Variants in RIMBP2 observed in about 807,000 individuals in gnomAD.
The protein encoded by RIMBP2 is RIMS-binding protein 2.
In RIMBP2, 48 loss-of-function variants were observed where a neutral mutation model predicts 118.6. That is an observed-to-expected ratio of 0.40 (90% CI 0.32 to 0.51). The LOEUF (loss-of-function observed/expected upper bound fraction) is 0.51, where lower values mean the gene tolerates loss of function less well. Ranked by LOEUF, RIMBP2 falls within the 20% of genes least tolerant of loss-of-function variation. The probability of loss-of-function intolerance (pLI) is 0.41; values close to 1 mark genes in which losing one functional copy is unlikely to be tolerated. For missense variants in RIMBP2, 1,551 were observed against 1,768.3 expected, an observed-to-expected ratio of 0.88 and a Z score of 2.20; for synonymous variants, 762 against 742.9, an observed-to-expected ratio of 1.03 and a Z score of -0.42.
At chr12:130,427,757 G>A (rs1315402873) in intron 15 of RIMBP2, 1 of 154,376 alleles carries the variant, frequency 6.5e-6, no homozygotes, top group Non-Finnish European at 1.4e-5. Context: ...CCACCATAGT[G>A]CCCTCCTTTA....
chr12:130,408,597 A>G (rs535909431), intron 19 of RIMBP2, among the ~76,000 whole-genome samples: 11 of 152,182 alleles, frequency 7.2e-5, no homozygotes, highest in East Asian at 1.9e-4. Flanking sequence ...CTCCACACAG[A>G]TAACAGGTGA....
At chr12:130,532,936 GGGAC>G (rs2053623617) in intron 2 of RIMBP2, among the ~76,000 whole-genome samples, 2 of 149,928 alleles carry the variant, frequency 1.3e-5, no homozygotes, top group South Asian at 2.1e-4. Context: ...GCCTCTAGGA[GGGAC>G]GTCTAATGAG....
At chr12:130,613,851 A>ACAG (rs2060726900) in intron 2 of RIMBP2, among the ~76,000 whole-genome samples, 1 of 150,276 alleles carries the variant, frequency 6.7e-6, no homozygotes, top group African/African-American at 2.4e-5. Context: ...TCATTAAGAG[A>ACAG]CAGCTCTCAT....
chr12:130,624,617 T>C (rs928885915), intron 2 of RIMBP2, among the ~76,000 whole-genome samples: 47 of 152,262 alleles, frequency 3.1e-4, no homozygotes, highest in African/African-American at 1.0e-3. Context: ...TATACATCTC[T>C]GTGAGATGTG....
intron 2 of RIMBP2, among the ~76,000 whole-genome samples, chr12:130,626,905 A>G (rs1162829652): frequency 6.7e-6 from 1 of 149,674 alleles, no homozygotes; most frequent in Non-Finnish European, 1.5e-5. Flanking sequence ...CATCACCACC[A>G]TCTTCTCCAT....
chr12:130,430,751 C>T (rs1423679490), intron 14 of RIMBP2: 1 of 151,714 alleles, frequency 6.6e-6, no homozygotes, highest in Non-Finnish European at 1.5e-5. Context: ...GTGCCTCAGC[C>T]TCCTGAGTAG....
Position 130,677,009 on chromosome 12 carries a change from C to T in RIMBP2, c.-352+39213G>A, listed in dbSNP as rs79796943. The stretch of plus-strand genomic sequence containing the variant: ...CACCTAGAAAGGCACCTGTGTAAAC[C>T]CTACCTCCACAAATGTGAGTTTCAG... On this transcript the variant is annotated intron_variant, in intron 1 of 22. Transcript: ENST00000690449. Among the ~76,000 whole-genome samples the T allele has an allele frequency of 8.3e-3, 1,258 of 152,248 alleles. 15 individuals are homozygous for T. The highest frequency in any genetic ancestry group is 0.029 in the African/African-American group (1,194 of 41,544).
At chr12:130,519,646 C>A (rs2139093198) in intron 2 of RIMBP2, among the ~76,000 whole-genome samples, 1 of 152,304 alleles carries the variant, frequency 6.6e-6, no homozygotes, top group Non-Finnish European at 1.5e-5. Context: ...GTGTACTAAT[C>A]AAAATACCTG....
At chr12:130,590,142 C>G (rs752216642) in intron 2 of RIMBP2, among the ~76,000 whole-genome samples, 1 of 152,182 alleles carries the variant, frequency 6.6e-6, no homozygotes, top group Admixed American at 6.5e-5. Context: ...CCCACACCCA[C>G]GGGGAAAGGC....
chr12:130,514,528 G>A (rs1454667822), intron 3 of RIMBP2, among the ~76,000 whole-genome samples: 1 of 152,086 alleles, frequency 6.6e-6, no homozygotes, highest in Non-Finnish European at 1.5e-5. Context: ...CCCACAGCTG[G>A]CATTGCCTCT....
At chr12:130,689,652 G>A (rs758263871) in intron 1 of RIMBP2, among the ~76,000 whole-genome samples, 24 of 152,092 alleles carry the variant, frequency 1.6e-4, no homozygotes, top group Non-Finnish European at 2.2e-4. Flanking sequence ...GGAGGGGGAC[G>A]GGCCCATCAA....
intron 2 of RIMBP2, among the ~76,000 whole-genome samples, chr12:130,598,233 A>G (rs900766529): frequency 1.3e-5 from 2 of 152,240 alleles, no homozygotes; most frequent in African/African-American, 4.8e-5. Context: ...AAAATTAAAG[A>G]CGACCTAAAT....
intron 2 of RIMBP2, among the ~76,000 whole-genome samples, chr12:130,598,138 C>A (rs557993423): frequency 9.9e-5 from 15 of 152,184 alleles, no homozygotes; most frequent in African/African-American, 3.1e-4. Flanking sequence ...ATTAAAATAG[C>A]CTTAAAAATA....
chr12:130,668,831 G>T (rs1319583495), intron 1 of RIMBP2, among the ~76,000 whole-genome samples: 1 of 152,190 alleles, frequency 6.6e-6, no homozygotes, highest in Non-Finnish European at 1.5e-5. Flanking sequence ...TCCCCAGATG[G>T]ACAGCTCTGG....
chr12:130,709,773 C>T (rs1266095262), intron 1 of RIMBP2, among the ~76,000 whole-genome samples: 1 of 149,296 alleles, frequency 6.7e-6, no homozygotes, highest in Non-Finnish European at 1.5e-5. Context: ...ACATTCCCAT[C>T]GCGGACACAC....
chr12:130,519,262 C>T (rs1440054198), intron 2 of RIMBP2, among the ~76,000 whole-genome samples: 1 of 152,216 alleles, frequency 6.6e-6, no homozygotes, highest in Non-Finnish European at 1.5e-5. Context: ...AGGAGAGAGG[C>T]TCCTCCTGGC....
rs540321839 is a variant in RIMBP2 at position 130,595,858 on chromosome 12, T to C, written c.-217+32464A>G. ...AGGAACTTGAGTTTCTGAAATCAAG[T>C]GTGCAAGGAGCTTAAAGGCGGAAGG... On this transcript the variant is annotated intron_variant, in intron 2 of 22. Transcript: ENST00000690449. 2.0e-5 allele frequency among the ~76,000 whole-genome samples: 3 copies of C among 152,336 alleles called. No homozygotes were observed. The South Asian group carries it at 6.2e-4, about 32-fold the overall frequency.
rs924488818 is a variant in RIMBP2 at position 130,469,511 on chromosome 12, A to G, written c.153+1182T>C. On this transcript the variant is annotated intron_variant, in intron 6 of 22. Transcript: ENST00000690449. The surrounding 1 kb of genome is among the most constrained non-coding windows in gnomAD (Gnocchi z 4.8). ...AGTGAATTATTTTCCAGGGAGATAA[A>G]TGGCCATTTGGAGGTCTGTTTCTAT... Among the ~76,000 whole-genome samples, 1 of 152,276 alleles carries G rather than the reference A, an allele frequency of 6.6e-6. No individual in the cohort carries two copies. The highest frequency in any genetic ancestry group is 6.5e-5 in the Admixed American group (1 of 15,302).
chr12:130,615,319 A>C (rs1344167156), intron 2 of RIMBP2, among the ~76,000 whole-genome samples: 1 of 141,636 alleles, frequency 7.1e-6, no homozygotes, highest in African/African-American at 2.6e-5. Context: ...ACATATATAG[A>C]TATTTTTTTG....
Sources: gnomAD v4.1 joint callset for allele counts (sites outside exome capture counted in the v4.1 genomes callset) on GRCh38, gnomAD v4.1.1 for gene constraint, Gnocchi (gnomAD v3.1) non-coding constraint, MANE v1.5 for transcripts, NCBI Gene and HGNC (gene_info 2026-07-23, HGNC 2026-07-21) for gene names.